The following ASIC2 variants were observed in gnomAD, a reference collection of about 807,000 sequenced individuals.
ASIC2 encodes the protein acid sensing ion channel subunit 2.
Under a neutral mutation model 57.3 loss-of-function variants are expected in ASIC2, and 25 were observed. The observed-to-expected ratio is 0.44, with a 90% confidence interval of 0.32 to 0.61. ASIC2 has a LOEUF of 0.61. Among genes scored for constraint, ASIC2 ranks in the 20% least tolerant of loss-of-function variants. ASIC2 has a pLI of 0.06. For missense variants in ASIC2, 641 were observed against 738.1 expected (o/e 0.87, Z 1.52); for synonymous variants, 319 against 307.5 (o/e 1.04, Z -0.39).
chr17:33,531,629 C>T (rs1057468512), intron 1 of ASIC2, among the ~76,000 whole-genome samples: 1 of 152,150 alleles, frequency 6.6e-6, no homozygotes, highest in Non-Finnish European at 1.5e-5. Context: ...ACTTCTCCAT[C>T]GCACTTGTGG....
intron 1 of ASIC2, among the ~76,000 whole-genome samples, chr17:33,827,507 T>TC: frequency 1.7e-4 from 1 of 5,960 alleles, no homozygotes; most frequent in Admixed American, 1.1e-3. Context: ...ATTTTTTGTC[T>TC]TTTTTTTTTT....
intron 1 of ASIC2, among the ~76,000 whole-genome samples, chr17:33,965,493 G>A (rs185972400): frequency 2.0e-5 from 3 of 152,316 alleles, no homozygotes; most frequent in East Asian, 1.9e-4. Context: ...AGTCACAGAT[G>A]AGAACAGACT....
At chr17:33,236,117 TTGA>T (rs766061663) in intron 1 of ASIC2, among the ~76,000 whole-genome samples, 11 of 150,164 alleles carry the variant, frequency 7.3e-5, no homozygotes, top group Non-Finnish European at 1.3e-4. Flanking sequence ...TTACAGGGAG[TTGA>T]TGATATTTAG....
At chr17:33,227,131 C>T (rs1483270575) in intron 1 of ASIC2, among the ~76,000 whole-genome samples, 3 of 152,204 alleles carry the variant, frequency 2.0e-5, no homozygotes, top group African/African-American at 7.2e-5. Flanking sequence ...GGCTGCTTGG[C>T]AGCGAGGCCC....
chr17:33,970,427 G>A (rs1441569661), intron 1 of ASIC2, among the ~76,000 whole-genome samples: 1 of 152,224 alleles, frequency 6.6e-6, no homozygotes, highest in Non-Finnish European at 1.5e-5. Flanking sequence ...GAGACAGGCA[G>A]TGCCCACACC....
chr17:34,095,743 A>T (rs545231834), intron 1 of ASIC2, among the ~76,000 whole-genome samples: 3,393 of 143,178 alleles, frequency 0.024, 153 homozygotes, highest in African/African-American at 0.082. Context: ...ATATAATTTT[A>T]TATATATATA....
intron 1 of ASIC2, among the ~76,000 whole-genome samples, chr17:33,538,550 C>A (rs1915310003): frequency 6.6e-6 from 1 of 152,238 alleles, no homozygotes; most frequent in African/African-American, 2.4e-5. Context: ...CTTGGCAAAG[C>A]CGGGATAGAA....
intron 1 of ASIC2, among the ~76,000 whole-genome samples, chr17:33,197,066 C>T (rs1466996456): frequency 6.6e-6 from 1 of 152,206 alleles, no homozygotes; most frequent in African/African-American, 2.4e-5. Context: ...CTGAGAAAGT[C>T]ACTTAACCTT....
At chr17:33,176,413 T>C (rs1905760157) in intron 1 of ASIC2, among the ~76,000 whole-genome samples, 1 of 152,196 alleles carries the variant, frequency 6.6e-6, no homozygotes, top group Non-Finnish European at 1.5e-5. Flanking sequence ...GGCACAATCA[T>C]GGCTCACTGC....
intron 1 of ASIC2, among the ~76,000 whole-genome samples, chr17:33,832,245 T>C (rs1049437417): frequency 2.6e-5 from 4 of 152,332 alleles, no homozygotes; most frequent in Middle Eastern, 6.8e-3. Context: ...TATCAAAATA[T>C]AGCTGGTTTT....
At chr17:33,799,439 T>TTTC (rs1555562526) in intron 1 of ASIC2, among the ~76,000 whole-genome samples, 2,832 of 58,350 alleles carry the variant, frequency 0.049, 51 homozygotes, top group Middle Eastern at 0.071. Flanking sequence ...TCTTTCTTTC[T>TTTC]TTCTTTCTTT....
intron 1 of ASIC2, among the ~76,000 whole-genome samples, chr17:33,400,569 C>T (rs1213765228): frequency 6.6e-6 from 1 of 152,148 alleles, no homozygotes; most frequent in Admixed American, 6.5e-5. Context: ...CCAGAAATCT[C>T]TCTTTTGGGA....
At chr17:34,002,415 T>C (rs1043814300) in intron 1 of ASIC2, 2 of 152,254 alleles carry the variant, frequency 1.3e-5, no homozygotes, top group African/African-American at 2.4e-5. Flanking sequence ...AGGCTTCAGA[T>C]TTTTCCCAAC....
At chr17:34,028,966 A>G (rs996077657) in intron 1 of ASIC2, among the ~76,000 whole-genome samples, 4 of 151,950 alleles carry the variant, frequency 2.6e-5, no homozygotes, top group Non-Finnish European at 4.4e-5. Flanking sequence ...GGCTTTTCTC[A>G]TTGCCTGGAA....
chr17:33,215,987 C>CTG (rs1907470710), intron 1 of ASIC2, among the ~76,000 whole-genome samples: 2 of 152,164 alleles, frequency 1.3e-5, no homozygotes, highest in African/African-American at 2.4e-5. Flanking sequence ...GCGTCAGCCA[C>CTG]CAAGCCCGGC....
intron 1 of ASIC2, among the ~76,000 whole-genome samples, chr17:33,229,044 A>G: frequency 6.6e-6 from 1 of 152,216 alleles, no homozygotes; most frequent in East Asian, 1.9e-4. Context: ...GGAGCCATTC[A>G]GGAAGTGGGC....
chr17:33,742,086 A>T (rs1017643115), intron 1 of ASIC2, among the ~76,000 whole-genome samples: 3 of 152,202 alleles, frequency 2.0e-5, no homozygotes, highest in African/African-American at 7.2e-5. Context: ...TCCTTGCTTG[A>T]GCATGGCCAG....
intron 1 of ASIC2, among the ~76,000 whole-genome samples, chr17:33,977,051 G>A (rs1905417074): frequency 6.6e-6 from 1 of 152,078 alleles, no homozygotes; most frequent in Non-Finnish European, 1.5e-5. Flanking sequence ...TGGTATTTCT[G>A]ATACAAATGA....
chr17:33,883,644 A>T (rs531748511), intron 1 of ASIC2, among the ~76,000 whole-genome samples: 27 of 152,226 alleles, frequency 1.8e-4, no homozygotes, highest in African/African-American at 6.3e-4. Flanking sequence ...CCTGCTGGCC[A>T]TCTCCTCATG....
Sources: gnomAD v4.1 joint callset for allele counts (sites outside exome capture counted in the v4.1 genomes callset) on GRCh38, gnomAD v4.1.1 for gene constraint, MANE v1.5 for transcripts, NCBI Gene and HGNC (gene_info 2026-07-23, HGNC 2026-07-21) for gene names.